ME1: variants seen among roughly 807,000 people sequenced by gnomAD.
ME1 encodes the protein malic enzyme 1.
In ME1, 74 loss-of-function variants were observed where a neutral mutation model predicts 66.4. The ratio of observed to expected loss-of-function variants is 1.11; its 90% CI spans 0.92 to 1.35. ME1 has a LOEUF of 1.35. Among genes scored for constraint, ME1 ranks in the 40% most tolerant of loss-of-function variants. ME1 has a pLI of 0.00. For missense variants in ME1, 750 were observed against 694.1 expected, an observed-to-expected ratio of 1.08 and a Z score of -0.90; for synonymous variants, 251 against 235.6, an observed-to-expected ratio of 1.07 and a Z score of -0.60.
chr6:83,344,144 G>C (rs1257778106), intron 5 of ME1, among the ~76,000 whole-genome samples: 1 of 151,332 alleles, frequency 6.6e-6, no homozygotes. Flanking sequence ...AAATTAGATT[G>C]GTGTGGTGGT....
intron 5 of ME1, among the ~76,000 whole-genome samples, chr6:83,345,806 A>G (rs1768674494): frequency 6.6e-6 from 1 of 152,190 alleles, no homozygotes; most frequent in Non-Finnish European, 1.5e-5. Flanking sequence ...TGGTTTTTAA[A>G]ACAAGAATAT....
At chr6:83,321,132 C>T (rs1345976730) in intron 5 of ME1, among the ~76,000 whole-genome samples, 1 of 152,200 alleles carries the variant, frequency 6.6e-6, no homozygotes, top group Non-Finnish European at 1.5e-5. Flanking sequence ...TCAGATACAA[C>T]ACTTTTCCCC....
At chr6:83,271,324 G>A (rs950995758) in intron 6 of ME1, among the ~76,000 whole-genome samples, 1 of 152,128 alleles carries the variant, frequency 6.6e-6, no homozygotes, top group Non-Finnish European at 1.5e-5. Flanking sequence ...TTTTCCTGGG[G>A]TGGCTCTATC....
At chr6:83,296,374 T>C (rs1767598860) in intron 6 of ME1, among the ~76,000 whole-genome samples, 1 of 152,178 alleles carries the variant, frequency 6.6e-6, no homozygotes. Flanking sequence ...CATGCACACA[T>C]CAATAAATGT....
At chr6:83,334,019 GA>G (rs1768471802) in intron 5 of ME1, among the ~76,000 whole-genome samples, 1 of 151,962 alleles carries the variant, frequency 6.6e-6, no homozygotes, top group Admixed American at 6.5e-5. Flanking sequence ...GAGCGACGCA[GA>G]AGACGGGTGA....
rs1309315769 is a variant in ME1, at chr6:83,237,286, AGGAAG to A, written c.1026+426_1026+430del. Among the ~76,000 whole-genome samples the A allele has an allele frequency of 3.6e-5, 2 of 55,102 alleles. 1 individual carries two copies. Among genetic ancestry groups the A allele is most frequent in the African/African-American group, 1.6e-4 (2 of 12,230 alleles). 36.1% of individuals were successfully genotyped at this position (55,102 alleles called of 152,430 possible). On this transcript the variant is annotated intron_variant, in intron 9 of 13. Transcript: ENST00000369705. ...AAGAAAGAAAGAAAGAAAGGAAGGA[AGGAAG>A]GAAAGAAAGAAAAAGAAAGAAAGAA...
In ME1 at chr6:83,236,002, G is replaced by C. The variant is rs139803131; in HGVS notation, c.1026+1715C>G. On this transcript the variant is annotated intron_variant, in intron 9 of 13. Transcript: ENST00000369705. ...AAATGTTTTAAGGTAATATGCATTT[G>C]ATATATTTCCTTCTATGACTTTCAT... 2.8e-4 allele frequency among the ~76,000 whole-genome samples: 42 copies of C among 152,054 alleles called. No homozygotes were observed. The East Asian group carries it at 7.9e-3, about 29-fold the overall frequency.
rs539261061 is a variant in ME1, at chr6:83,412,273, C to A, written c.79-4372G>T. Among the ~76,000 whole-genome samples the A allele has an allele frequency of 3.4e-4, 52 of 152,014 alleles. 2 individuals are homozygous for A. In the South Asian group the frequency reaches 0.011, roughly 31 times the overall value. Reference sequence around the variant, plus strand: ...AAACATTTATCTTATTCATAAAGATCTTTAAGACAATTAATCTATACATGT... The same window carrying A: ...AAACATTTATCTTATTCATAAAGATATTTAAGACAATTAATCTATACATGT... On this transcript the variant is annotated intron_variant, in intron 1 of 13. Transcript: ENST00000369705.
chr6:83,257,014 G>A (rs993086314), intron 6 of ME1, among the ~76,000 whole-genome samples: 1 of 152,024 alleles, frequency 6.6e-6, no homozygotes, highest in African/African-American at 2.4e-5. Flanking sequence ...ACACAGGGAG[G>A]GGAACATCAT....
intron 3 of ME1, among the ~76,000 whole-genome samples, chr6:83,376,660 G>T (rs964755143): frequency 2.0e-5 from 3 of 149,200 alleles, no homozygotes; most frequent in African/African-American, 7.4e-5. Flanking sequence ...AAAATTAGCT[G>T]GGTGTGGTGG....
At chr6:83,345,946 A>G (rs1428613994) in intron 5 of ME1, among the ~76,000 whole-genome samples, 1 of 152,226 alleles carries the variant, frequency 6.6e-6, no homozygotes, top group Non-Finnish European at 1.5e-5. Flanking sequence ...ATATCAAAGC[A>G]ACATAAGGCA....
At chr6:83,401,622 C>T (rs543758560) in intron 2 of ME1, among the ~76,000 whole-genome samples, 38 of 152,308 alleles carry the variant, frequency 2.5e-4, no homozygotes, top group Admixed American at 4.6e-4. Context: ...GTATACACGT[C>T]GGACAAACTG....
chr6:83,406,090 G>A (rs1314690680), intron 2 of ME1, among the ~76,000 whole-genome samples: 1 of 152,154 alleles, frequency 6.6e-6, no homozygotes, highest in Non-Finnish European at 1.5e-5. Context: ...AAATAATCAT[G>A]TGAGTTTTGT....
At chr6:83,319,716 A>C (rs2128540088) in intron 5 of ME1, among the ~76,000 whole-genome samples, 1 of 152,270 alleles carries the variant, frequency 6.6e-6, no homozygotes, top group South Asian at 2.1e-4. Context: ...GAACTACAGA[A>C]CCACCCTGAG....
chr6:83,420,885 TTTG>T (rs936865193), intron 1 of ME1, among the ~76,000 whole-genome samples: 9 of 152,226 alleles, frequency 5.9e-5, no homozygotes, highest in African/African-American at 1.4e-4. Context: ...GTTGGGTTTT[TTTG>T]TTGTTGTTGT....
intron 2 of ME1, among the ~76,000 whole-genome samples, chr6:83,405,309 T>C (rs991085751): frequency 1.3e-5 from 2 of 152,148 alleles, no homozygotes; most frequent in East Asian, 1.9e-4. Flanking sequence ...TCTCTGCTTG[T>C]CTATCTTTGG....
At chr6:83,394,865 T>A (rs943370617) in intron 3 of ME1, among the ~76,000 whole-genome samples, 29 of 152,196 alleles carry the variant, frequency 1.9e-4, no homozygotes, top group African/African-American at 6.5e-4. Context: ...GCTAGAAAAA[T>A]TGTGTTCTAT....
intron 3 of ME1, among the ~76,000 whole-genome samples, chr6:83,376,804 C>CAAAAAAAAAACAAAAAAAAA (rs1769300430): frequency 1.1e-5 from 1 of 87,126 alleles, no homozygotes; most frequent in Non-Finnish European, 2.4e-5. Flanking sequence ...CCCTGTCTCA[C>CAAAAAAAAAACAAAAAAAAA]AAAAAAAAAA....
intron 7 of ME1, among the ~76,000 whole-genome samples, chr6:83,250,178 G>T (rs1583340153): frequency 6.7e-6 from 1 of 149,716 alleles, no homozygotes; most frequent in African/African-American, 2.5e-5. Flanking sequence ...TTTCAGATCT[G>T]TTTTTTTTTA....
Sources: allele counts gnomAD v4.1 joint callset (sites outside exome capture counted in the v4.1 genomes callset), GRCh38; gene constraint gnomAD v4.1.1; transcripts MANE v1.5; gene names NCBI Gene and HGNC (gene_info 2026-07-23, HGNC 2026-07-21).